IGF2BP1: variants seen among roughly 807,000 people sequenced by gnomAD.
IGF2BP1 encodes insulin like growth factor 2 mRNA binding protein 1.
Under a neutral mutation model 74.9 loss-of-function variants are expected in IGF2BP1, and 11 were observed. The ratio of observed to expected loss-of-function variants is 0.15; its 90% CI spans 0.09 to 0.24. The LOEUF (loss-of-function observed/expected upper bound fraction) is 0.24. IGF2BP1 is among the 10% of genes least tolerant of loss of function. IGF2BP1 has a pLI of 1.00. For synonymous variants in IGF2BP1, 287 were observed against 281.8 expected (o/e 1.02, Z -0.18); for missense variants, 440 against 757.4 (o/e 0.58, Z 4.92).
intron 5 of IGF2BP1, 31 bp downstream of exon 5, chr17:49,032,004 GGTGGGGGGGGGTTCT>G: frequency 1.3e-6 from 2 of 1,534,180 alleles, no homozygotes; most frequent in South Asian, 2.2e-5. Flanking sequence ...GGCTGGGTGC[GGTGGGGGGGGGTTCT>G]GTGAAGGGTG....
chr17:49,027,768 C>T (rs902631620), intron 4 of IGF2BP1, among the ~76,000 whole-genome samples: 3 of 135,602 alleles, frequency 2.2e-5, no homozygotes, highest in Non-Finnish European at 4.6e-5. Context: ...AGGAGAATGG[C>T]GTGAACCCGG....
At chr17:49,027,963 A>C (rs1217146989) in intron 4 of IGF2BP1, among the ~76,000 whole-genome samples, 1 of 151,568 alleles carries the variant, frequency 6.6e-6, no homozygotes, top group Non-Finnish European at 1.5e-5. Flanking sequence ...TTGAGCCACG[A>C]GAGTTTTGAG....
chr17:49,000,564 G>T (rs1330170642), intron 2 of IGF2BP1, among the ~76,000 whole-genome samples: 2 of 152,214 alleles, frequency 1.3e-5, no homozygotes, highest in African/African-American at 2.4e-5. Context: ...ATTTTCTGGA[G>T]ATGTGTCTAA....
chr17:49,015,116 G>A (rs2143989774), intron 2 of IGF2BP1, among the ~76,000 whole-genome samples: 1 of 152,304 alleles, frequency 6.6e-6, no homozygotes, highest in East Asian at 1.9e-4. Flanking sequence ...GGGATTACAG[G>A]CGTGTGCCAC....
chr17:48,996,876 C>A (rs1598114761), upstream of IGF2BP1, among the ~76,000 whole-genome samples: 1 of 152,152 alleles, frequency 6.6e-6, no homozygotes, highest in South Asian at 2.1e-4. Context: ...AGACCCCCCC[C>A]ATTTAAACAT....
At chr17:49,019,929 T>C (rs1333016949) in intron 2 of IGF2BP1, among the ~76,000 whole-genome samples, 1 of 62,890 alleles carries the variant, frequency 1.6e-5, no homozygotes, top group African/African-American at 8.6e-5. Context: ...TATATATATA[T>C]ATATATATAT....
chr17:49,022,279 G>A (rs572528307), intron 2 of IGF2BP1, among the ~76,000 whole-genome samples: 7 of 152,266 alleles, frequency 4.6e-5, no homozygotes, highest in African/African-American at 1.7e-4. Context: ...AAGGGAATAC[G>A]GGTTACAGTG....
chr17:49,042,541 A>G (rs887323300), intron 9 of IGF2BP1, among the ~76,000 whole-genome samples, 164 bp downstream of exon 9: 14 of 152,168 alleles, frequency 9.2e-5, no homozygotes, highest in African/African-American at 3.4e-4. Flanking sequence ...ATAGTATTTA[A>G]TTAGCAAGGA....
rs1443628781 is a variant in IGF2BP1, at chr17:49,050,040, C to T, written c.*596C>T. The T allele has an allele frequency of 6.5e-6, 1 of 152,758 alleles. No individual in the cohort carries two copies. Among genetic ancestry groups the T allele is most frequent in the Non-Finnish European group, 1.5e-5 (1 of 68,336 alleles). The allele number at this position is 152,758 out of a possible 1,614,324, so 9.5% of individuals were successfully genotyped here. On this transcript the variant is annotated 3_prime_UTR_variant, in exon 15 of 15. Transcript: ENST00000290341. The stretch of plus-strand genomic sequence containing the variant: ...TATCTGTAGATTAATTCCAATCACT[C>T]CCTAACCAATAGGTACAATACGGAA...
At chr17:49,042,622 A>C (rs929306000) in intron 9 of IGF2BP1, among the ~76,000 whole-genome samples, 7 of 152,048 alleles carry the variant, frequency 4.6e-5, no homozygotes, top group Non-Finnish European at 7.4e-5. Flanking sequence ...GTATGTGTAC[A>C]ATTTGTGTTT....
chr17:49,038,163 C>A lies in IGF2BP1; in HGVS notation c.402-5C>A. 6.7e-7 allele frequency: 1 copy of A among 1,501,858 alleles called. No individual in the cohort carries two copies. Among genetic ancestry groups the A allele is most frequent in the African/African-American group, 1.4e-5 (1 of 71,436 alleles). The allele number at this position is 1,501,858 out of a possible 1,614,324, so 93.0% of individuals were successfully genotyped here. A position where few individuals can be genotyped will look rare whatever the true frequency, so the allele number is the denominator to read the frequency against. On this transcript the variant is annotated splice_region_variant and splice_polypyrimidine_tract_variant and intron_variant, in intron 5 of 14. Coordinates refer to ENST00000290341, the MANE Select transcript of IGF2BP1 (RefSeq NM_006546.4). ...ATGACCTGTAGACTCTCACTCTGTC[C>A]CCAGAGCCATCATGAAGCTGAATGG...
intron 2 of IGF2BP1, chr17:49,014,063 G>T (rs1444046677): frequency 1.3e-5 from 2 of 152,174 alleles, no homozygotes; most frequent in East Asian, 3.9e-4. Context: ...GGGGGCGACC[G>T]TGGGCACAGG....
At chr17:49,013,193 AC>A (rs1405351627) in intron 2 of IGF2BP1, among the ~76,000 whole-genome samples, 1 of 151,494 alleles carries the variant, frequency 6.6e-6, no homozygotes, top group Non-Finnish European at 1.5e-5. Flanking sequence ...AATTGATGAC[AC>A]CCCAAAAGGG....
chr17:49,044,140 T>C, intron 11 of IGF2BP1, 54 bp downstream of exon 11: 1 of 1,598,438 alleles, frequency 6.3e-7, no homozygotes. Flanking sequence ...TCTCTGCTTT[T>C]ATCACTCTGC....
At position 49,049,461 on chromosome 17, in the gene IGF2BP1, C is replaced by T. The variant is rs772732809; in HGVS notation, c.*17C>T. ...AGGAAGTGACCAGCCCCTCCCTGTC[C>T]CTTCGAGTCCAGGACAACAACGGGC... On this transcript the variant is annotated 3_prime_UTR_variant, in exon 15 of 15. Transcript: ENST00000290341. The T allele has an allele frequency of 1.2e-6, 2 of 1,605,820 alleles. No homozygotes were observed. Among genetic ancestry groups the T allele is most frequent in the East Asian group, 4.5e-5 (2 of 44,826 alleles).
chr17:49,036,146 A>G (rs2041984853), intron 5 of IGF2BP1, among the ~76,000 whole-genome samples: 1 of 152,298 alleles, frequency 6.6e-6, no homozygotes, highest in South Asian at 2.1e-4. Flanking sequence ...AGTATATAGC[A>G]GGTAGTAAAA....
intron 2 of IGF2BP1, chr17:49,014,725 G>C (rs552801079): frequency 5.3e-5 from 52 of 976,394 alleles, no homozygotes; most frequent in Admixed American, 1.8e-4. Flanking sequence ...GCCACTTATG[G>C]ACACGCAGAC....
chr17:49,025,605 C>T lies in IGF2BP1; in HGVS notation c.237-13C>T. 8 of 1,611,894 alleles carry T rather than the reference C, an allele frequency of 5.0e-6. No individual in the cohort carries two copies. Among genetic ancestry groups the T allele is most frequent in the Non-Finnish European group, 5.9e-6 (7 of 1,179,134 alleles). ...CAGAGCTTTCTTTAACTCTGCTCCC[C>T]CTTTACTTTCAGGAGCCGGAAAATT... On this transcript the variant is annotated splice_polypyrimidine_tract_variant and intron_variant, in intron 2 of 14. Transcript: ENST00000290341.
intron 2 of IGF2BP1, among the ~76,000 whole-genome samples, chr17:49,020,965 C>G (rs1243487768): frequency 1.1e-5 from 1 of 88,938 alleles, no homozygotes; most frequent in Admixed American, 1.3e-4. Flanking sequence ...CCCGTCTCTA[C>G]AAATTAAAAA....
Sources: allele counts gnomAD v4.1 joint callset (sites outside exome capture counted in the v4.1 genomes callset), GRCh38; gene constraint gnomAD v4.1.1; transcripts MANE v1.5; gene names NCBI Gene and HGNC (gene_info 2026-07-23, HGNC 2026-07-21).